Variants in CEP63 observed in about 807,000 individuals in gnomAD.
The protein encoded by CEP63 is centrosomal protein of 63 kDa.
CEP63 carries 84 observed loss-of-function variants against 89.1 expected under a neutral mutation model. That is an observed-to-expected ratio of 0.94 (90% confidence interval 0.79 to 1.13). The LOEUF is 1.13. Among genes scored for constraint, CEP63 ranks in the 50% most tolerant of loss-of-function variants. The pLI, the probability that CEP63 is intolerant of heterozygous loss-of-function variation, is 0.00. For missense variants in CEP63, 838 were observed against 813.3 expected, an observed-to-expected ratio of 1.03 and a Z score of -0.37; for synonymous variants, 267 against 272.5, an observed-to-expected ratio of 0.98 and a Z score of 0.20.
At chr3:134,492,160 G>A (rs1937824406) in intron 1 of CEP63, among the ~76,000 whole-genome samples, 1 of 137,162 alleles carries the variant, frequency 7.3e-6, no homozygotes, top group African/African-American at 2.7e-5. Context: ...TGCAAGCTCC[G>A]CCTCCCGGGT....
chr3:134,781,743 T>C, the CEP63 span, among the ~76,000 whole-genome samples: 3 of 152,270 alleles, frequency 2.0e-5, no homozygotes, highest in Admixed American at 6.5e-5. Flanking sequence ...ATATTGACTT[T>C]GTAACTAGCA....
At chr3:134,578,080 C>T (rs1441225707), downstream of CEP63, among the ~76,000 whole-genome samples, 2 of 152,082 alleles carry the variant, frequency 1.3e-5, no homozygotes, top group Admixed American at 6.6e-5. Flanking sequence ...CTGCAATAAA[C>T]GTGTGTGCAT....
At chr3:134,568,704 G>A (rs868478068), downstream of CEP63, among the ~76,000 whole-genome samples, 1 of 152,234 alleles carries the variant, frequency 6.6e-6, no homozygotes, top group Admixed American at 6.5e-5. Flanking sequence ...CTCCAAAAAG[G>A]TTTAACATTA....
Position 134,547,391 on chromosome 3 carries a change from T to TA in CEP63, c.987dup (p.Asp330ArgfsTer13). Reference sequence around the variant, plus strand: ...TACACCTCTCAAGGGCAGGGGGACTTAGACAGTGTGCTCTCCCAGTTGAAT... The same window carrying TA: ...TACACCTCTCAAGGGCAGGGGGACTTAAGACAGTGTGCTCTCCCAGTTGAAT... On this transcript the variant is annotated frameshift_variant, in exon 9 of 15. Transcript: ENST00000675561. LOFTEE classifies it high-confidence loss of function. 3 of 1,613,790 alleles carry TA rather than the reference T, an allele frequency of 1.9e-6. No individual in the cohort carries two copies. The highest frequency in any genetic ancestry group is 1.7e-6 in the Non-Finnish European group (2 of 1,179,750).
chr3:134,714,584 T>C, the CEP63 span, among the ~76,000 whole-genome samples: 7 of 152,234 alleles, frequency 4.6e-5, no homozygotes, highest in African/African-American at 1.7e-4. Context: ...AGGCTGATTC[T>C]GAAGAAAGTC....
chr3:134,533,010 T>C, intron 5 of CEP63, 110 bp downstream of exon 5: 1 of 1,103,570 alleles, frequency 9.1e-7, no homozygotes, highest in Non-Finnish European at 1.4e-6. Context: ...TCTTAAGGAC[T>C]GCCACTAAGC....
rs141433134 is a variant in CEP63 at position 134,584,826 on chromosome 3, T to C, written c.1207-2632T>C. Among the ~76,000 whole-genome samples, 1,159 of 152,272 alleles carry C rather than the reference T, an allele frequency of 7.6e-3. 18 individuals carry two copies. Among genetic ancestry groups the C allele is most frequent in the African/African-American group, 0.027 (1,103 of 41,536 alleles). On this transcript the variant is annotated intron_variant, in intron 10 of 10. Transcript: ENST00000683931. ...CTGGTCCTGGACTTTTTTTGGTTGG[T>C]AGGCTATTAATTTTTGCCTCAGTTC...
At chr3:134,547,298 A>T (rs1412917629) in intron 8 of CEP63, 37 bp from the exon 9 acceptor site, 5 of 1,602,782 alleles carry the variant, frequency 3.1e-6, no homozygotes, top group Non-Finnish European at 4.3e-6. Context: ...GTTTGCAGAG[A>T]TAAAGGCGTT....
the CEP63 span, among the ~76,000 whole-genome samples, chr3:134,717,686 A>G: frequency 6.6e-6 from 1 of 152,228 alleles, no homozygotes; most frequent in East Asian, 1.9e-4. Context: ...GAAAAATTCT[A>G]TGCAATATGA....
At chr3:134,560,071 T>C (rs1957068653) in intron 14 of CEP63, among the ~76,000 whole-genome samples, 1 of 152,242 alleles carries the variant, frequency 6.6e-6, no homozygotes, top group Admixed American at 6.5e-5. Context: ...ACCAAGTCCA[T>C]GGAAAGGTTT....
At chr3:134,772,280 T>TG in the CEP63 span, among the ~76,000 whole-genome samples, 1 of 40,856 alleles carries the variant, frequency 2.4e-5, no homozygotes, top group Non-Finnish European at 5.2e-5. Flanking sequence ...CCCGTGCAGC[T>TG]GTGCAGGGCT....
At chr3:134,608,274 G>A in the CEP63 span, 1 of 1,204,864 alleles carries the variant, frequency 8.3e-7, no homozygotes, top group Non-Finnish European at 1.1e-6. Flanking sequence ...CCTTTTCCCT[G>A]CTATGTGAAC....
intron 1 of CEP63, among the ~76,000 whole-genome samples, chr3:134,494,850 A>G (rs1939205645): frequency 1.3e-5 from 2 of 152,176 alleles, no homozygotes; most frequent in South Asian, 4.1e-4. Context: ...ATGATAGACC[A>G]AAGAGTTTAA....
chr3:134,597,247 A>G, the CEP63 span, among the ~76,000 whole-genome samples: 1 of 152,188 alleles, frequency 6.6e-6, no homozygotes, highest in African/African-American at 2.4e-5. Flanking sequence ...AGAAGGAGAA[A>G]TAAGAAAGAA....
At chr3:134,731,512 T>C in the CEP63 span, among the ~76,000 whole-genome samples, 1 of 152,230 alleles carries the variant, frequency 6.6e-6, no homozygotes, top group South Asian at 2.1e-4. Flanking sequence ...AAATAACTCA[T>C]GGGTCAAAAA....
chr3:134,677,320 C>A, the CEP63 span, among the ~76,000 whole-genome samples: 1 of 152,238 alleles, frequency 6.6e-6, no homozygotes, highest in Admixed American at 6.5e-5. Flanking sequence ...TCACTCAAAT[C>A]TCCCAAAGAG....
chr3:134,740,807 G>C, the CEP63 span, among the ~76,000 whole-genome samples: 3 of 152,182 alleles, frequency 2.0e-5, no homozygotes, highest in Non-Finnish European at 4.4e-5. Flanking sequence ...CTAAAGCAAC[G>C]AGGGCCGACC....
At chr3:134,574,481 C>G (rs1958143507) in intron 11 of CEP63, among the ~76,000 whole-genome samples, 1 of 152,202 alleles carries the variant, frequency 6.6e-6, no homozygotes, top group South Asian at 2.1e-4. Flanking sequence ...TCTGCTGCCT[C>G]TCATGCCAAG....
chr3:134,699,916 G>T, the CEP63 span, among the ~76,000 whole-genome samples: 12 of 152,334 alleles, frequency 7.9e-5, no homozygotes, highest in Admixed American at 4.6e-4. Context: ...CAGCCCTGAT[G>T]CTCAGTAAAT....
Sources: allele counts gnomAD v4.1 joint callset (sites outside exome capture counted in the v4.1 genomes callset), GRCh38; gene constraint gnomAD v4.1.1; transcripts MANE v1.5; gene names NCBI Gene and HGNC (gene_info 2026-07-23, HGNC 2026-07-21).